F13A1: variants seen among roughly 807,000 people sequenced by gnomAD.
F13A1 encodes coagulation factor XIII A chain.
A neutral mutation model predicts 80.1 loss-of-function variants in F13A1; 47 were observed. That is an observed-to-expected ratio of 0.59 (90% confidence interval 0.46 to 0.75). The LOEUF (loss-of-function observed/expected upper bound fraction) is 0.75, where lower values mean the gene tolerates loss of function less well. Ranked by LOEUF, F13A1 falls within the 30% of genes least tolerant of loss-of-function variation. The pLI is 0.00. For synonymous variants in F13A1, 349 were observed against 344.9 expected, an observed-to-expected ratio of 1.01 and a Z score of -0.13; for missense variants, 817 against 930.4, an observed-to-expected ratio of 0.88 and a Z score of 1.59.
intron 3 of F13A1, among the ~76,000 whole-genome samples, chr6:6,268,309 G>A (rs1178497259): frequency 6.6e-6 from 1 of 152,168 alleles, no homozygotes; most frequent in Non-Finnish European, 1.5e-5. Flanking sequence ...AACAAAAGAT[G>A]AGAAGGAAAC....
chr6:6,152,311 T>C (rs1760394081), intron 13 of F13A1, among the ~76,000 whole-genome samples: 1 of 152,144 alleles, frequency 6.6e-6, no homozygotes, highest in African/African-American at 2.4e-5. Context: ...AGGCATCAAG[T>C]TTCCTGCTGG....
At chr6:6,265,906 C>G (rs1757836762) in intron 4 of F13A1, among the ~76,000 whole-genome samples, 1 of 152,174 alleles carries the variant, frequency 6.6e-6, no homozygotes, top group Admixed American at 6.5e-5. Flanking sequence ...TAATAGTGTA[C>G]AGAGGTTATA....
rs565203751 is a variant in F13A1 at position 6,223,695 on chromosome 6, A to T, written c.973+991T>A. On this transcript the variant is annotated intron_variant, in intron 7 of 14. Transcript: ENST00000264870. ...ACAAAACTCATGACTTTTTTTTTTT[A>T]AATTTAGATCACCAAGTCTTAGACT... Among the ~76,000 whole-genome samples, 59 of 151,336 alleles carry T rather than the reference A, an allele frequency of 3.9e-4. No individual in the cohort carries two copies. The East Asian group carries it at 5.6e-3, about 14-fold the overall frequency.
Position 6,168,526 on chromosome 6 carries a change from G to A in F13A1, c.1748-908C>T, listed in dbSNP as rs1162940152. ...TTGGAGCCAGATGCCTGTATGTGCCGACAGCTGGCAGACTCCGCAGGTGAA... is the reference window on the plus strand; with the variant it reads ...TTGGAGCCAGATGCCTGTATGTGCCAACAGCTGGCAGACTCCGCAGGTGAA... On this transcript the variant is annotated intron_variant, in intron 12 of 14. Coordinates refer to ENST00000264870, the MANE Select transcript of F13A1 (RefSeq NM_000129.4). 5.9e-5 allele frequency among the ~76,000 whole-genome samples: 9 copies of A among 152,324 alleles called. No homozygotes were observed. The South Asian group carries it at 8.3e-4, about 14-fold the overall frequency.
At chr6:6,206,412 G>GT in intron 8 of F13A1, 2 of 464,376 alleles carry the variant, frequency 4.3e-6, no homozygotes, top group Non-Finnish European at 8.8e-6. Flanking sequence ...CATATGGAGT[G>GT]TTTTCTATGT....
rs528662936 is a variant in F13A1, at chr6:6,150,937, G to A, written c.2045+876C>T. Among the ~76,000 whole-genome samples the A allele has an allele frequency of 5.9e-5, 9 of 152,298 alleles. No homozygotes were observed. In the South Asian group the frequency reaches 6.2e-4, roughly 11 times the overall value. On this transcript the variant is annotated intron_variant, in intron 14 of 14. Coordinates refer to ENST00000264870, the MANE Select transcript of F13A1 (RefSeq NM_000129.4). ...TGTCCCCAGGTAGAAAAGATTCAAGGAAGATGAGACAGCTGTTTGCAAACA... is the reference window on the plus strand; with the variant it reads ...TGTCCCCAGGTAGAAAAGATTCAAGAAAGATGAGACAGCTGTTTGCAAACA...
At chr6:6,151,686 G>A (rs147988248) in intron 14 of F13A1, 127 bp downstream of exon 14, 11 of 1,323,110 alleles carry the variant, frequency 8.3e-6, no homozygotes, top group African/African-American at 4.3e-5. Flanking sequence ...AGAAATGGTC[G>A]GCAAGGAGGA....
chr6:6,258,428 G>C (rs1757731569), intron 4 of F13A1, among the ~76,000 whole-genome samples: 1 of 152,134 alleles, frequency 6.6e-6, no homozygotes, highest in Non-Finnish European at 1.5e-5. Context: ...GGGAGATACT[G>C]ACTATGAGCA....
intron 8 of F13A1, among the ~76,000 whole-genome samples, 181 bp from the exon 9 acceptor site, chr6:6,197,507 G>A (rs1351101171): frequency 5.3e-5 from 8 of 152,122 alleles, no homozygotes; most frequent in Non-Finnish European, 1.5e-5. Context: ...ATGAAACCCT[G>A]TCTCTACTAA....
At chr6:6,183,074 C>T (rs2151077530) in intron 10 of F13A1, among the ~76,000 whole-genome samples, 1 of 152,254 alleles carries the variant, frequency 6.6e-6, no homozygotes, top group South Asian at 2.1e-4. Flanking sequence ...TGCCTGAAAG[C>T]TGACTGTACC....
chr6:6,271,488 A>G (rs546307258), intron 3 of F13A1, among the ~76,000 whole-genome samples: 1 of 152,294 alleles, frequency 6.6e-6, no homozygotes, highest in East Asian at 1.9e-4. Flanking sequence ...GTGTTTGCCT[A>G]GAGTATATAA....
At chr6:6,297,294 A>G (rs1026996013) in intron 3 of F13A1, among the ~76,000 whole-genome samples, 33 of 151,956 alleles carry the variant, frequency 2.2e-4, no homozygotes, top group African/African-American at 5.8e-4. Flanking sequence ...CTCTTTTTCT[A>G]TTGATTGGAA....
chr6:6,196,171 A>C (rs977989666), intron 9 of F13A1, among the ~76,000 whole-genome samples: 2 of 152,230 alleles, frequency 1.3e-5, no homozygotes, highest in Non-Finnish European at 2.9e-5. Context: ...GGTGGCTTAC[A>C]CAGCATTTAT....
intron 6 of F13A1, among the ~76,000 whole-genome samples, chr6:6,242,377 T>C (rs1479490781): frequency 6.6e-6 from 1 of 152,202 alleles, no homozygotes; most frequent in African/African-American, 2.4e-5. Context: ...CAGAGCAAAG[T>C]ATTAATGGGG....
chr6:6,192,970 G>A (rs978380887), intron 10 of F13A1, among the ~76,000 whole-genome samples: 3 of 152,168 alleles, frequency 2.0e-5, no homozygotes, highest in Non-Finnish European at 2.9e-5. Context: ...CTTGGAATAC[G>A]ACTCCAGACG....
Position 6,303,223 on chromosome 6 carries a change from C to A in F13A1, c.319+2128G>T, listed in dbSNP as rs1583121829. Among the ~76,000 whole-genome samples the A allele has an allele frequency of 3.9e-5, 6 of 152,228 alleles. No homozygotes were observed. The South Asian group carries it at 1.2e-3, about 32-fold the overall frequency. The stretch of plus-strand genomic sequence containing the variant: ...AAGAAAATACTCTTACTTATTATTT[C>A]TTTGTATGATTTCCTTGGTTATCAC... On this transcript the variant is annotated intron_variant, in intron 3 of 14. Transcript: ENST00000264870.
chr6:6,178,048 G>A (rs113026745), intron 11 of F13A1, among the ~76,000 whole-genome samples: 1 of 30,520 alleles, frequency 3.3e-5, no homozygotes, highest in Non-Finnish European at 7.7e-5. Context: ...AGGGAGAGGG[G>A]GGGGGGGGTG....
intron 6 of F13A1, among the ~76,000 whole-genome samples, chr6:6,230,039 G>A (rs554573580): frequency 2.0e-5 from 3 of 152,350 alleles, no homozygotes; most frequent in African/African-American, 7.2e-5. Context: ...TCCACATGGA[G>A]AAGGAAATCT....
At chr6:6,160,275 T>TAAA (rs375144806) in intron 13 of F13A1, among the ~76,000 whole-genome samples, 2 of 140,682 alleles carry the variant, frequency 1.4e-5, no homozygotes, top group African/African-American at 5.3e-5. Context: ...AGACTCCATC[T>TAAA]AAAAAAAAAA....
Sources: gnomAD v4.1 joint callset for allele counts (sites outside exome capture counted in the v4.1 genomes callset) on GRCh38, gnomAD v4.1.1 for gene constraint, MANE v1.5 for transcripts, NCBI Gene and HGNC (gene_info 2026-07-23, HGNC 2026-07-21) for gene names.